HABP2: variants seen among roughly 807,000 people sequenced by gnomAD.
HABP2 encodes the protein factor VII-activating protease.
Under a neutral mutation model 66.5 loss-of-function variants are expected in HABP2, and 65 were observed. That is an observed-to-expected ratio of 0.98 (90% confidence interval 0.80 to 1.20). HABP2 has a LOEUF of 1.20. Among genes scored for constraint, HABP2 ranks in the 50% most tolerant of loss-of-function variants. The pLI is 0.00. For missense variants in HABP2, 786 were observed against 691.0 expected (o/e 1.14, Z -1.54); for synonymous variants, 263 against 253.9 (o/e 1.04, Z -0.34).
chr10:113,587,761 T>C (rs1845678691), intron 12 of HABP2, among the ~76,000 whole-genome samples: 1 of 151,948 alleles, frequency 6.6e-6, no homozygotes, highest in Admixed American at 6.5e-5. Flanking sequence ...TGGTTTACAG[T>C]GTGAGAAACT....
chr10:113,554,770 C>G (rs532340171), intron 1 of HABP2, among the ~76,000 whole-genome samples: 5 of 152,078 alleles, frequency 3.3e-5, no homozygotes, highest in Admixed American at 1.3e-4. Context: ...ATAATGGTCC[C>G]GAAAAATCCC....
At chr10:113,567,579 C>T in intron 2 of HABP2, 54 bp downstream of exon 2, 1 of 1,385,432 alleles carries the variant, frequency 7.2e-7, no homozygotes, top group Admixed American at 1.7e-5. Flanking sequence ...TGGTTCTGGG[C>T]TGGTGAAAAG....
At position 113,588,914 on chromosome 10, in the gene HABP2, A is replaced by C. The variant is rs1564684982; in HGVS notation, c.*545A>C. 1.5e-6 allele frequency: 2 copies of C among 1,350,924 alleles called. No individual in the cohort carries two copies. Among genetic ancestry groups the C allele is most frequent in the South Asian group, 1.2e-5 (1 of 83,976 alleles). The allele number at this position is 1,350,924 out of a possible 1,614,324, so 83.7% of individuals were successfully genotyped here. On this transcript the variant is annotated 3_prime_UTR_variant, in exon 13 of 13. Coordinates refer to ENST00000351270, the MANE Select transcript of HABP2 (RefSeq NM_004132.5). ...AGCTTGCCGAAATCAAAGCCATCTG[A>C]AGCCTGTCTCTGGTGAACAAACTTC...
At chr10:113,587,439 G>C (rs1845666636) in intron 12 of HABP2, among the ~76,000 whole-genome samples, 1 of 152,172 alleles carries the variant, frequency 6.6e-6, no homozygotes. Context: ...GTCTCTTACT[G>C]TATGGCTTTT....
chr10:113,588,775 A>G lies in HABP2; in HGVS notation c.*406A>G. 1 of 584,826 alleles carries G rather than the reference A, an allele frequency of 1.7e-6. No homozygotes were observed. Among genetic ancestry groups the G allele is most frequent in the Non-Finnish European group, 3.0e-6 (1 of 330,194 alleles). The allele number at this position is 584,826 out of a possible 1,614,324, so 36.2% of individuals were successfully genotyped here. On this transcript the variant is annotated 3_prime_UTR_variant, in exon 13 of 13. Transcript: ENST00000351270. ...CCAGACACTCGAGGCACTCAACAGA[A>G]TCAGCCATCCACGTCTAGGTATCAG...
chr10:113,571,473 C>T (rs1845310216), intron 2 of HABP2, among the ~76,000 whole-genome samples: 1 of 152,082 alleles, frequency 6.6e-6, no homozygotes, highest in African/African-American at 2.4e-5. Context: ...TGAGCTGGCA[C>T]ACCGTCCTTC....
chr10:113,559,769 CT>C (rs1236135795), intron 1 of HABP2, among the ~76,000 whole-genome samples: 3 of 152,244 alleles, frequency 2.0e-5, no homozygotes, highest in Admixed American at 6.5e-5. Context: ...CCCATTGCCC[CT>C]GTCCCATCTC....
intron 1 of HABP2, among the ~76,000 whole-genome samples, chr10:113,567,178 C>CA (rs1845213049): frequency 7.9e-5 from 12 of 152,172 alleles, no homozygotes; most frequent in Admixed American, 7.9e-4. Context: ...AAACTCACTG[C>CA]ACCTGACGAG....
chr10:113,582,603 C>T (rs1292457265), intron 9 of HABP2, among the ~76,000 whole-genome samples: 2 of 152,214 alleles, frequency 1.3e-5, no homozygotes, highest in Non-Finnish European at 2.9e-5. Flanking sequence ...CTATCTGCTT[C>T]TTTGACTTCT....
In HABP2 at chr10:113,567,472, G is replaced by A. The variant is rs1845221019; in HGVS notation, c.70-17G>A. ...CTCCATCTCAACGCTGATCTGCTGT[G>A]TTGTTTTGTTTTTCAGTTCTCCCTG... On this transcript the variant is annotated splice_polypyrimidine_tract_variant and intron_variant, in intron 1 of 12. Transcript: ENST00000351270. The A allele has an allele frequency of 6.2e-7, 1 of 1,608,190 alleles. No individual in the cohort carries two copies. The highest frequency in any genetic ancestry group is 8.5e-7 in the Non-Finnish European group (1 of 1,174,730).
At chr10:113,553,301 A>G (rs952556186) in intron 1 of HABP2, 111 bp downstream of exon 1, 4 of 802,512 alleles carry the variant, frequency 5.0e-6, no homozygotes, top group South Asian at 1.5e-5. Context: ...GGAGTTGCCA[A>G]GTTGGAGATG....
At position 113,581,918 on chromosome 10, in the gene HABP2, A is replaced by T. The variant is rs377761766; in HGVS notation, c.881A>T (p.Lys294Met). The stretch of plus-strand genomic sequence containing the variant: ...GAAAGCCCCACTGAGCCATCAACCA[A>T]GCTTCCGGGGTTTGACTCCTGTGGA... ...PEESPTEPSTKLPGFDSCGKT... is the reference protein window; with the variant it reads ...PEESPTEPSTMLPGFDSCGKT... The change falls in exon 9 of 13, where the codon AAG becomes ATG. Residue 294 changes from lysine to methionine, a missense_variant. Lys to Met is a moderately conservative substitution (Grantham distance 95). Transcript: ENST00000351270. 6.2e-7 allele frequency: 1 copy of T among 1,614,126 alleles called. No individual in the cohort carries two copies. Among genetic ancestry groups the T allele is most frequent in the Non-Finnish European group, 8.5e-7 (1 of 1,179,950 alleles).
chr10:113,576,078 C>G (rs1237404173), intron 4 of HABP2, 74 bp downstream of exon 4: 1 of 836,714 alleles, frequency 1.2e-6, no homozygotes, highest in Non-Finnish European at 2.1e-6. Flanking sequence ...TGAGAAAGCA[C>G]TGCGCAATGC....
upstream of HABP2, among the ~76,000 whole-genome samples, chr10:113,552,794 C>T (rs1053253356): frequency 1.3e-5 from 2 of 152,148 alleles, no homozygotes; most frequent in Non-Finnish European, 2.9e-5. Context: ...ATGCTAGTCA[C>T]GCTGTCAGGC....
intron 2 of HABP2, among the ~76,000 whole-genome samples, chr10:113,570,770 A>G (rs541726114): frequency 7.9e-5 from 12 of 152,354 alleles, no homozygotes; most frequent in Non-Finnish European, 1.2e-4. Flanking sequence ...GCCAATCAGA[A>G]AGCAGAAAGG....
intron 7 of HABP2, among the ~76,000 whole-genome samples, chr10:113,579,472 ATG>A (rs1845479965): frequency 6.6e-6 from 1 of 152,214 alleles, no homozygotes; most frequent in African/African-American, 2.4e-5. Context: ...AAATAATCAC[ATG>A]AGCCCACGTA....
chr10:113,570,539 T>C (rs954999751), intron 2 of HABP2, among the ~76,000 whole-genome samples: 5 of 152,242 alleles, frequency 3.3e-5, no homozygotes, highest in Non-Finnish European at 7.3e-5. Flanking sequence ...ACCTGAACTG[T>C]TTTTCTACAA....
chr10:113,581,048 T>G (rs1845519562), intron 8 of HABP2, among the ~76,000 whole-genome samples: 1 of 152,210 alleles, frequency 6.6e-6, no homozygotes, highest in African/African-American at 2.4e-5. Flanking sequence ...CCTCTTAGGA[T>G]GCAAAGCATT....
Position 113,578,287 on chromosome 10 carries a change from C to A in HABP2, c.568+142C>A. The A allele has an allele frequency of 5.5e-6, 5 of 911,554 alleles. No individual in the cohort carries two copies. In the Admixed American group the frequency reaches 9.3e-5, roughly 17 times the overall value. The allele number at this position is 911,554 out of a possible 1,614,324, so 56.5% of individuals were successfully genotyped here. A position where few individuals can be genotyped will look rare whatever the true frequency, so the allele number is the denominator to read the frequency against. ...AGCCTTCTCACCTAAAGGGATAGGG[C>A]GTGTCTGGCTTCCTGTAAAGAAAGT... On this transcript the variant is annotated intron_variant, in intron 6 of 12. Transcript: ENST00000351270.
Sources: gnomAD v4.1 joint callset for allele counts (sites outside exome capture counted in the v4.1 genomes callset) on GRCh38, gnomAD v4.1.1 for gene constraint, MANE v1.5 for transcripts, NCBI Gene and HGNC (gene_info 2026-07-23, HGNC 2026-07-21) for gene names.